The following MMP26 variants were observed in gnomAD, a reference collection of about 807,000 sequenced individuals.
MMP26 encodes the protein matrix metallopeptidase 26.
In MMP26, 33 loss-of-function variants were observed where a neutral mutation model predicts 31.0. That is an observed-to-expected ratio of 1.06 (90% CI 0.81 to 1.42). The LOEUF is 1.42. MMP26 is among the 40% of genes most tolerant of loss of function. The pLI is 0.00. For missense variants in MMP26, 347 were observed against 316.1 expected (o/e 1.10, Z -0.74); for synonymous variants, 122 against 114.9 (o/e 1.06, Z -0.40).
chr11:4,977,159 T>TC lies in MMP26; in HGVS notation c.-144-10909_-144-10908insC, dbSNP rs1440254709. 1.6e-3 allele frequency among the ~76,000 whole-genome samples: 249 copies of TC among 151,968 alleles called. 5 individuals are homozygous for TC. The highest frequency in any genetic ancestry group is 6.0e-3 in the African/African-American group (246 of 41,244). On this transcript the variant is annotated intron_variant, in intron 2 of 7. Coordinates refer to ENST00000380390, the MANE Select transcript of MMP26 (RefSeq NM_021801.5). ...TTGTGTTACTCATATTTGTCTTTGA[T>TC]AATGATGTTGTTGCACGTTGAAATC...
chr11:4,723,789 C>T lies in MMP26; in HGVS notation c.-217+18744C>T, dbSNP rs996721734. On this transcript the variant is annotated intron_variant, in intron 1 of 7. Transcript: ENST00000380390. ...CCATGTTGCTCCGAGCTGTCTTCTG[C>T]TGCTGCAGGAGGCTCCACTTGGTCT... 3.2e-6 allele frequency: 5 copies of T among 1,566,254 alleles called. No individual in the cohort carries two copies. The African/African-American group carries it at 5.4e-5, about 17-fold the overall frequency.
intron 2 of MMP26, chr11:4,881,807 A>G (rs1157356649): frequency 2.6e-6 from 3 of 1,132,790 alleles, no homozygotes; most frequent in Non-Finnish European, 3.8e-6. Flanking sequence ...TAAATTTAAA[A>G]TTGTATATAA....
chr11:4,865,996 T>A lies in MMP26; in HGVS notation c.-145+98655T>A, dbSNP rs139760178. ...AGAAAACAAACAGAGACTTGACAAC[T>A]GGTTGAATATTAAATGTATGCTACA... On this transcript the variant is annotated intron_variant, in intron 2 of 7. Transcript: ENST00000380390. Among the ~76,000 whole-genome samples, 8 of 152,252 alleles carry A rather than the reference T, an allele frequency of 5.3e-5. No homozygotes were observed. The East Asian group carries it at 1.5e-3, about 29-fold the overall frequency.
intron 2 of MMP26, chr11:4,908,318 C>A (rs1418265285): frequency 1.2e-6 from 2 of 1,605,924 alleles, no homozygotes; most frequent in Non-Finnish European, 1.7e-6. Context: ...AGAACTTGAA[C>A]AATTAGGTAA....
chr11:4,802,789 T>C (rs1356056576), intron 2 of MMP26, among the ~76,000 whole-genome samples: 3 of 152,200 alleles, frequency 2.0e-5, no homozygotes, highest in Non-Finnish European at 4.4e-5. Context: ...CCAAGCCTTA[T>C]GGGCGATAGT....
chr11:4,915,267 G>A, intron 2 of MMP26: 1 of 1,613,964 alleles, frequency 6.2e-7, no homozygotes. Flanking sequence ...TGCAAGGGGT[G>A]GCAGATAGCC....
At chr11:4,844,186 CT>C (rs1321289004) in intron 2 of MMP26, among the ~76,000 whole-genome samples, 2 of 152,158 alleles carry the variant, frequency 1.3e-5, no homozygotes, top group East Asian at 3.9e-4. Context: ...GGAGAAGTTC[CT>C]AGATGCATAC....
intron 2 of MMP26, chr11:4,822,283 G>A (rs1291445157): frequency 1.9e-6 from 3 of 1,555,274 alleles, no homozygotes; most frequent in Non-Finnish European, 2.6e-6. Flanking sequence ...AATCCCTCCT[G>A]TGCTCAACCC....
chr11:4,815,782 A>G (rs1297342333), intron 2 of MMP26, among the ~76,000 whole-genome samples: 1 of 152,232 alleles, frequency 6.6e-6, no homozygotes, highest in Non-Finnish European at 1.5e-5. Context: ...ACATGCCTCA[A>G]GAAATGCAGA....
chr11:4,835,235 T>C (rs61882261), intron 2 of MMP26, among the ~76,000 whole-genome samples: 3,059 of 65,590 alleles, frequency 0.047, 50 homozygotes, highest in African/African-American at 0.09. Flanking sequence ...CACACACACA[T>C]ACACACACGA....
At chr11:4,828,152 C>T (rs1849602651) in intron 2 of MMP26, among the ~76,000 whole-genome samples, 1 of 152,082 alleles carries the variant, frequency 6.6e-6, no homozygotes, top group South Asian at 2.1e-4. Context: ...AATTATGTCT[C>T]CTATCTGTGT....
At chr11:4,904,081 T>C (rs1257056971) in intron 2 of MMP26, among the ~76,000 whole-genome samples, 1 of 152,096 alleles carries the variant, frequency 6.6e-6, no homozygotes, top group Non-Finnish European at 1.5e-5. Flanking sequence ...TCTTGTCCAA[T>C]CTAGGACTTG....
chr11:4,848,747 C>T, intron 2 of MMP26: 1 of 1,613,898 alleles, frequency 6.2e-7, no homozygotes, highest in Non-Finnish European at 8.5e-7. Context: ...AAGAAATGGC[C>T]AGGCTGATTT....
intron 2 of MMP26, among the ~76,000 whole-genome samples, chr11:4,837,655 AATTCT>A (rs1341067528): frequency 6.6e-6 from 1 of 152,216 alleles, no homozygotes; most frequent in Non-Finnish European, 1.5e-5. Flanking sequence ...AAAATTAGAT[AATTCT>A]AACTTATTTT....
chr11:4,813,938 G>A (rs1349401828), intron 2 of MMP26, among the ~76,000 whole-genome samples: 1 of 152,010 alleles, frequency 6.6e-6, no homozygotes, highest in Middle Eastern at 3.2e-3. Flanking sequence ...CCATAAAAAG[G>A]AAAACCAACT....
At chr11:4,921,029 C>A (rs1851175530) in intron 2 of MMP26, among the ~76,000 whole-genome samples, 1 of 152,168 alleles carries the variant, frequency 6.6e-6, no homozygotes, top group South Asian at 2.1e-4. Context: ...AGTCAAACCA[C>A]TGGAGCTCAT....
At chr11:4,955,761 T>G in intron 2 of MMP26, 1 of 1,539,256 alleles carries the variant, frequency 6.5e-7, no homozygotes, top group Non-Finnish European at 8.8e-7. Context: ...ACACCTGACC[T>G]CAGGTGATCC....
intron 2 of MMP26, among the ~76,000 whole-genome samples, chr11:4,863,274 T>A (rs1307464955): frequency 1.3e-5 from 2 of 151,898 alleles, no homozygotes; most frequent in African/African-American, 4.8e-5. Flanking sequence ...TCTTCCTTCT[T>A]TTAATCTTCT....
chr11:4,759,147 TG>T (rs1403689950), intron 1 of MMP26, among the ~76,000 whole-genome samples: 1 of 148,952 alleles, frequency 6.7e-6, no homozygotes, highest in Non-Finnish European at 1.5e-5. Context: ...ACAAAAAATT[TG>T]GCAAAAATAA....
Sources: gnomAD v4.1 joint callset for allele counts (sites outside exome capture counted in the v4.1 genomes callset) on GRCh38, gnomAD v4.1.1 for gene constraint, MANE v1.5 for transcripts, NCBI Gene and HGNC (gene_info 2026-07-23, HGNC 2026-07-21) for gene names.